Variants in RNF130 observed in about 807,000 individuals in gnomAD.
The protein encoded by RNF130 is E3 ubiquitin-protein ligase RNF130.
A neutral mutation model predicts 44.6 loss-of-function variants in RNF130; 21 were observed. That is an observed-to-expected ratio of 0.47 (90% CI 0.33 to 0.68). RNF130 has a LOEUF of 0.68. Among genes scored for constraint, RNF130 ranks in the 30% least tolerant of loss-of-function variants. RNF130 has a pLI of 0.02. For synonymous variants in RNF130, 214 were observed against 210.4 expected (o/e 1.02, Z -0.15); for missense variants, 479 against 560.6 (o/e 0.85, Z 1.47).
intron 7 of RNF130, among the ~76,000 whole-genome samples, chr5:179,941,801 C>A (rs937561820): frequency 1.3e-5 from 2 of 152,118 alleles, no homozygotes; most frequent in African/African-American, 4.8e-5. Context: ...ACAAGCTAGT[C>A]TGACATTACC....
At chr5:179,997,114 T>A (rs1460960039) in intron 3 of RNF130, among the ~76,000 whole-genome samples, 1 of 152,116 alleles carries the variant, frequency 6.6e-6, no homozygotes, top group Non-Finnish European at 1.5e-5. Context: ...ATTTCACTGA[T>A]CATTTGTATT....
chr5:179,952,344 C>T (rs925103916), downstream of RNF130, among the ~76,000 whole-genome samples: 1 of 152,154 alleles, frequency 6.6e-6, no homozygotes, highest in Non-Finnish European at 1.5e-5. Context: ...CCTGAATAGG[C>T]CTCTAAGTGA....
intron 2 of RNF130, 130 bp downstream of exon 2, chr5:180,040,323 A>T (rs1214323759): frequency 1.2e-6 from 1 of 852,724 alleles, no homozygotes. Flanking sequence ...CATGCATCCC[A>T]ACAAACAAAT....
chr5:179,922,924 AAATAAT>A (rs1412850682), intron 7 of RNF130, among the ~76,000 whole-genome samples: 1 of 152,084 alleles, frequency 6.6e-6, no homozygotes, highest in Non-Finnish European at 1.5e-5. Context: ...ACAGAAAAAA[AAATAAT>A]AATAATAATC....
intron 1 of RNF130, among the ~76,000 whole-genome samples, chr5:180,052,975 A>G (rs1764722461): frequency 6.6e-6 from 1 of 152,240 alleles, no homozygotes; most frequent in African/African-American, 2.4e-5. Context: ...AATGATGGAA[A>G]GCACACTATT....
At chr5:179,926,780 C>G (rs1253655859) in intron 7 of RNF130, among the ~76,000 whole-genome samples, 1 of 152,238 alleles carries the variant, frequency 6.6e-6, no homozygotes, top group Non-Finnish European at 1.5e-5. Flanking sequence ...GGGTTGAACA[C>G]TTGGGCTTGC....
intron 1 of RNF130, among the ~76,000 whole-genome samples, chr5:180,055,261 AAAAAAAAAAAAAAAAAAAAC>A (rs559631111): frequency 0.41 from 31,095 of 75,236 alleles, 5,259 homozygotes; most frequent in South Asian, 0.66. Flanking sequence ...AAAAAAAAAA[AAAAAAAAAAAAAAAAAAAAC>A]AAAAAAAAAC....
chr5:179,955,593 A>G lies in RNF130; in HGVS notation c.*61T>C. On this transcript the variant is annotated 3_prime_UTR_variant, in exon 9 of 9. Transcript: ENST00000521389. ...GTGTGGCATGATTGGTAAATGATGCACAAAAATAGGTTCTTTTTTCCTTCA... is the reference window on the plus strand; with the variant it reads ...GTGTGGCATGATTGGTAAATGATGCGCAAAAATAGGTTCTTTTTTCCTTCA... The G allele has an allele frequency of 6.8e-7, 1 of 1,464,474 alleles. No individual in the cohort carries two copies. Among genetic ancestry groups the G allele is most frequent in the Non-Finnish European group, 9.3e-7 (1 of 1,073,906 alleles). 90.7% of individuals were successfully genotyped at this position (1,464,474 alleles called of 1,614,324 possible). A position where few individuals can be genotyped will look rare whatever the true frequency, so the allele number is the denominator to read the frequency against.
chr5:179,986,229 GA>G (rs1762948673), intron 3 of RNF130, among the ~76,000 whole-genome samples: 1 of 152,202 alleles, frequency 6.6e-6, no homozygotes, highest in African/African-American at 2.4e-5. Context: ...ATGGCTTCAT[GA>G]ATAGATTTTT....
At chr5:179,972,265 T>C (rs1202455896) in intron 5 of RNF130, among the ~76,000 whole-genome samples, 1 of 152,126 alleles carries the variant, frequency 6.6e-6, no homozygotes, top group Admixed American at 6.5e-5. Flanking sequence ...CAAACTCCCT[T>C]AGATCTGATA....
chr5:179,951,285 G>C (rs539965730), downstream of RNF130, among the ~76,000 whole-genome samples: 2 of 152,136 alleles, frequency 1.3e-5, no homozygotes, highest in East Asian at 1.9e-4. Flanking sequence ...ACAAATTCTA[G>C]AACTACAGAG....
At chr5:179,984,691 G>A (rs1344616331) in intron 3 of RNF130, among the ~76,000 whole-genome samples, 1 of 152,056 alleles carries the variant, frequency 6.6e-6, no homozygotes, top group African/African-American at 2.4e-5. Flanking sequence ...GTCCTGGTCT[G>A]TAGTTTTGTT....
intron 2 of RNF130, among the ~76,000 whole-genome samples, chr5:180,030,264 A>G (rs185809913): frequency 4.0e-4 from 61 of 152,348 alleles, no homozygotes; most frequent in African/African-American, 1.4e-3. Context: ...TTGTCTCTCC[A>G]AGTAAGAATA....
chr5:179,937,548 G>A (rs1454791218), intron 7 of RNF130, among the ~76,000 whole-genome samples: 1 of 152,112 alleles, frequency 6.6e-6, no homozygotes, highest in African/African-American at 2.4e-5. Flanking sequence ...AAAGGAGGGG[G>A]GATAACAAGT....
chr5:179,934,470 G>A (rs1761858598), intron 7 of RNF130, among the ~76,000 whole-genome samples: 1 of 151,552 alleles, frequency 6.6e-6, no homozygotes, highest in African/African-American at 2.4e-5. Flanking sequence ...TTCTTGATCA[G>A]CAGAAACCTG....
At chr5:179,919,697 C>A (rs1020673187) in exon 8 of RNF130, 1 of 152,486 alleles carries the variant, frequency 6.6e-6, no homozygotes, top group Non-Finnish European at 1.5e-5. Context: ...GGCTGCCTGG[C>A]CCCGCACACA....
Position 179,991,999 on chromosome 5 carries a change from G to A in RNF130, c.694-11799C>T, listed in dbSNP as rs542870545. On this transcript the variant is annotated intron_variant, in intron 3 of 8. Coordinates refer to ENST00000521389, the MANE Select transcript of RNF130 (RefSeq NM_018434.6). Reference sequence around the variant, plus strand: ...TGCCACCCCTGATCTGAGAGGAGGAGCAGCTCAGGAAGTAATGCTAGCAAT... The same window carrying A: ...TGCCACCCCTGATCTGAGAGGAGGAACAGCTCAGGAAGTAATGCTAGCAAT... 2.6e-5 allele frequency among the ~76,000 whole-genome samples: 4 copies of A among 152,264 alleles called. No individual in the cohort carries two copies. The South Asian group carries it at 8.3e-4, about 32-fold the overall frequency.
chr5:179,981,303 G>A (rs1762831338), intron 3 of RNF130, among the ~76,000 whole-genome samples: 2 of 152,202 alleles, frequency 1.3e-5, no homozygotes, highest in African/African-American at 2.4e-5. Flanking sequence ...GGCACATCAG[G>A]GAGACGTCAC....
chr5:180,005,118 C>T (rs550747441), intron 3 of RNF130, among the ~76,000 whole-genome samples: 10 of 152,240 alleles, frequency 6.6e-5, no homozygotes, highest in African/African-American at 2.2e-4. Flanking sequence ...AATTGTATAT[C>T]ACTCCACTGC....
Sources: gnomAD v4.1 joint callset for allele counts (sites outside exome capture counted in the v4.1 genomes callset) on GRCh38, gnomAD v4.1.1 for gene constraint, MANE v1.5 for transcripts, NCBI Gene and HGNC (gene_info 2026-07-23, HGNC 2026-07-21) for gene names.